PAPLN: variants seen among roughly 807,000 people sequenced by gnomAD.
PAPLN encodes the protein papilin, proteoglycan like sulfated glycoprotein.
Under a neutral mutation model 159.0 loss-of-function variants are expected in PAPLN, and 146 were observed. That is an observed-to-expected ratio of 0.92 (90% CI 0.80 to 1.05). The LOEUF is 1.05. PAPLN is among the 50% of genes least tolerant of loss of function. The pLI, the probability that PAPLN is intolerant of heterozygous loss-of-function variation, is 0.00. For synonymous variants in PAPLN, 734 were observed against 702.9 expected (o/e 1.04, Z -0.70); for missense variants, 1,720 against 1,743.9 (o/e 0.99, Z 0.24).
At chr14:73,248,888 T>C (rs1261768562) in intron 5 of PAPLN, among the ~76,000 whole-genome samples, 1 of 152,150 alleles carries the variant, frequency 6.6e-6, no homozygotes, top group Admixed American at 6.5e-5. Context: ...CCTGGTGCTT[T>C]GGAAGGCTGA....
chr14:73,258,847 G>T, intron 14 of PAPLN, 132 bp from the exon 15 acceptor site: 2 of 727,242 alleles, frequency 2.8e-6, no homozygotes, highest in Non-Finnish European at 4.1e-6. Flanking sequence ...CTTTTCCCTT[G>T]GGCTGTCTCG....
At chr14:73,244,264 G>A (rs923575638) in intron 2 of PAPLN, 4 of 174,744 alleles carry the variant, frequency 2.3e-5, no homozygotes, top group African/African-American at 7.2e-5. Context: ...ATCCCCCCAC[G>A]TTGCTTCCCT....
Position 73,261,198 on chromosome 14 carries a change from A to G in PAPLN, c.2149A>G (p.Ser717Gly). Reference protein sequence around the residue: ...HQPQAQQNEPSECRGSQFGCC... With the variant: ...HQPQAQQNEPGECRGSQFGCC... The stretch of plus-strand genomic sequence containing the variant: ...GCCCCAGGCCCAGCAGAATGAGCCC[A>G]GTGAGTGCCGGGGCTCCCAGTTTGG... The change falls in exon 18 of 27, where the codon AGT becomes GGT. Residue 717 changes from serine to glycine, a missense_variant. Coordinates refer to ENST00000644200, the MANE Select transcript of PAPLN (RefSeq NM_001365906.3). The G allele has an allele frequency of 6.2e-7, 1 of 1,614,064 alleles. No individual in the cohort carries two copies. The highest frequency in any genetic ancestry group is 1.7e-5 in the Admixed American group (1 of 60,022).
At chr14:73,259,609 G>A in intron 16 of PAPLN, 64 bp downstream of exon 16, 1 of 1,426,518 alleles carries the variant, frequency 7.0e-7, no homozygotes, top group East Asian at 2.6e-5. Flanking sequence ...CCCCGTGGGT[G>A]GGCCAACATC....
chr14:73,253,213 G>A lies in PAPLN; in HGVS notation c.1094+438G>A, dbSNP rs371892319. On this transcript the variant is annotated intron_variant, in intron 11 of 26. Transcript: ENST00000644200. ...GTGGCGCCTTGCTGGGGCCCAGCGA[G>A]TGTGTGGGAACAGGTAACCTGCAGG... 5.9e-6 allele frequency: 8 copies of A among 1,359,482 alleles called. No homozygotes were observed. In the African/African-American group the frequency reaches 1.0e-4, roughly 17 times the overall value. The allele number at this position is 1,359,482 out of a possible 1,614,324, so 84.2% of individuals were successfully genotyped here.
chr14:73,260,440 T>C (rs755881532), intron 16 of PAPLN, among the ~76,000 whole-genome samples: 6 of 152,222 alleles, frequency 3.9e-5, no homozygotes, highest in African/African-American at 7.2e-5. Flanking sequence ...TTTTGTGGGC[T>C]GTGCAACTGA....
chr14:73,252,611 G>A, intron 10 of PAPLN, 38 bp from the exon 11 acceptor site: 3 of 1,603,686 alleles, frequency 1.9e-6, no homozygotes, highest in South Asian at 1.1e-5. Flanking sequence ...GGTGAATGTT[G>A]ACTGGCGTCT....
rs1364761273 is a variant in PAPLN, at chr14:73,250,919, G to A, written c.478G>A (p.Asp160Asn). 4 of 1,612,688 alleles carry A rather than the reference G, an allele frequency of 2.5e-6. No homozygotes were observed. The African/African-American group carries it at 5.3e-5, about 22-fold the overall frequency. ...VDGSCRVVGC[D>N]HELDSSKQED... Reference sequence around the variant, plus strand: ...TCTCTGCCCACAGGTTGTCGGCTGTGATCACGAGCTGGACTCGTCCAAGCA... The same window carrying A: ...TCTCTGCCCACAGGTTGTCGGCTGTAATCACGAGCTGGACTCGTCCAAGCA... Residue 160 changes from aspartate to asparagine, a missense_variant, in exon 7 of 27, where the codon GAT (aspartate) becomes AAT (asparagine). Asp to Asn is a conservative substitution (Grantham distance 23, BLOSUM62 1). Coordinates refer to ENST00000644200, the MANE Select transcript of PAPLN (RefSeq NM_001365906.3).
At chr14:73,241,879 T>C (rs1269531952) in intron 2 of PAPLN, among the ~76,000 whole-genome samples, 2 of 152,250 alleles carry the variant, frequency 1.3e-5, no homozygotes, top group East Asian at 1.9e-4. Flanking sequence ...CACGTGCACA[T>C]TGGGCAGTTG....
rs1887878008 is a variant in PAPLN at position 73,273,128 on chromosome 14, T to TATCA, written c.*465_*468dup. 1 of 152,434 alleles carries TATCA rather than the reference T, an allele frequency of 6.6e-6. No homozygotes were observed. The allele number at this position is 152,434 out of a possible 1,614,324, so 9.4% of individuals were successfully genotyped here. ...CTGAGTAGCTAGGATTACAGATGCCTATCACCATGCCTGGGTAATTTTTGT... is the reference window on the plus strand; with the variant it reads ...CTGAGTAGCTAGGATTACAGATGCCTATCAATCACCATGCCTGGGTAATTTTTGT... On this transcript the variant is annotated 3_prime_UTR_variant, in exon 27 of 27. Transcript: ENST00000644200.
chr14:73,269,316 C>T (rs1033852634), intron 26 of PAPLN, among the ~76,000 whole-genome samples: 15 of 151,660 alleles, frequency 9.9e-5, no homozygotes, highest in Middle Eastern at 6.8e-3. Context: ...TTTACCCCCA[C>T]GAAATTACTA....
At position 73,265,322 on chromosome 14, in the gene PAPLN, G is replaced by T. The variant is rs765673842; in HGVS notation, c.3126-48G>T. The T allele has an allele frequency of 6.3e-7, 1 of 1,588,666 alleles. No individual in the cohort carries two copies. Among genetic ancestry groups the T allele is most frequent in the Non-Finnish European group, 8.5e-7 (1 of 1,171,294 alleles). Reference sequence around the variant, plus strand: ...TGCAGAGGTGCCCATGGGAGTAGGCGGGGGCAACGGCAAGGGCCCCTCATG... The same window carrying T: ...TGCAGAGGTGCCCATGGGAGTAGGCTGGGGCAACGGCAAGGGCCCCTCATG... On this transcript the variant is annotated intron_variant, in intron 22 of 26. Coordinates refer to ENST00000644200, the MANE Select transcript of PAPLN (RefSeq NM_001365906.3). This position sits in a 1 kb window ranked among gnomAD's most constrained non-coding sequence, Gnocchi z 4.1.
At chr14:73,247,589 CGT>C (rs138946508) in intron 5 of PAPLN, among the ~76,000 whole-genome samples, 10 of 115,126 alleles carry the variant, frequency 8.7e-5, no homozygotes, top group South Asian at 3.1e-4. Flanking sequence ...GTCCTCTGTG[CGT>C]GTGTGTGTGT....
chr14:73,257,283 T>G (rs1461122497), intron 14 of PAPLN, among the ~76,000 whole-genome samples: 1 of 152,176 alleles, frequency 6.6e-6, no homozygotes, highest in East Asian at 1.9e-4. Flanking sequence ...ACTTATTTTA[T>G]TCTTTATAAC....
intron 11 of PAPLN, 130 bp downstream of exon 11, chr14:73,252,905 G>T: frequency 6.9e-7 from 1 of 1,449,408 alleles, no homozygotes; most frequent in Non-Finnish European, 9.3e-7. Context: ...GCTGTGGCTG[G>T]GGTGTGGGAG....
intron 18 of PAPLN, chr14:73,262,101 G>T: frequency 2.2e-6 from 1 of 449,236 alleles, no homozygotes; most frequent in Non-Finnish European, 3.9e-6. Context: ...CCCTGGCCCT[G>T]ACCTCCCAGA....
rs183472918 is a variant in PAPLN at position 73,259,086 on chromosome 14, C to A, written c.1708+27C>A. On this transcript the variant is annotated intron_variant, in intron 15 of 26. Transcript: ENST00000644200. ...TGAGAGCCTGGTCCCGTCCCCCACT[C>A]AGAGCCCTGTAGTTTTTGTGTCTGA... 1.5e-3 allele frequency: 2,335 copies of A among 1,593,138 alleles called. 1 individual carries two copies. The highest frequency in any genetic ancestry group is 1.8e-3 in the Non-Finnish European group (2,138 of 1,170,102).
chr14:73,258,943 C>G (rs1594811929), intron 14 of PAPLN, 36 bp from the exon 15 acceptor site: 1 of 1,570,652 alleles, frequency 6.4e-7, no homozygotes, highest in East Asian at 2.3e-5. Context: ...CTCTTCCTCC[C>G]TCTCCGTCCC....
intron 14 of PAPLN, 40 bp from the exon 15 acceptor site, chr14:73,258,939 C>T (rs1168869899): frequency 2.6e-6 from 4 of 1,561,536 alleles, no homozygotes; most frequent in African/African-American, 1.4e-5. Context: ...TCCTCTCTTC[C>T]TCCCTCTCCG....
Sources: allele counts gnomAD v4.1 joint callset (sites outside exome capture counted in the v4.1 genomes callset), GRCh38; gene constraint gnomAD v4.1.1; non-coding constraint Gnocchi (gnomAD v3.1); transcripts MANE v1.5; gene names NCBI Gene and HGNC (gene_info 2026-07-23, HGNC 2026-07-21).